Variants in SYT1 observed in about 807,000 individuals in gnomAD.
SYT1 encodes synaptotagmin-1.
A neutral mutation model predicts 44.8 loss-of-function variants in SYT1; 8 were observed. The observed-to-expected ratio is 0.18, with a 90% CI of 0.10 to 0.32. The LOEUF (loss-of-function observed/expected upper bound fraction) is 0.32. Among genes scored for constraint, SYT1 ranks in the 10% least tolerant of loss-of-function variants. The probability of loss-of-function intolerance (pLI) is 1.00; values close to 1 mark genes in which losing one functional copy is unlikely to be tolerated. For missense variants in SYT1, 286 were observed against 509.3 expected (o/e 0.56, Z 4.22); for synonymous variants, 154 against 188.8 (o/e 0.82, Z 1.51).
chr12:79,041,682 A>G (rs1228047829), intron 2 of SYT1, among the ~76,000 whole-genome samples: 2 of 152,032 alleles, frequency 1.3e-5, no homozygotes, highest in Non-Finnish European at 2.9e-5. Context: ...GTGGTGAGAC[A>G]GGGCATCCCT....
intron 9 of SYT1, among the ~76,000 whole-genome samples, chr12:79,390,208 C>A (rs998636612): frequency 6.6e-6 from 1 of 152,126 alleles, no homozygotes; most frequent in Non-Finnish European, 1.5e-5. Context: ...GCTGGGATTA[C>A]AGGCGTGAAC....
intron 1 of SYT1, among the ~76,000 whole-genome samples, chr12:78,921,625 G>A (rs539750162): frequency 1.3e-5 from 2 of 152,008 alleles, no homozygotes; most frequent in South Asian, 2.1e-4. Flanking sequence ...AAAGTGCTAG[G>A]TAATGAAGAC....
chr12:79,399,825 C>T lies in SYT1; in HGVS notation c.929-44248C>T, dbSNP rs76841306. ...AAGTCCCCAGCTGATGCTGACCTTGCTGGTATAGGGCCACACCCTGAGTAC... is the reference window on the plus strand; with the variant it reads ...AAGTCCCCAGCTGATGCTGACCTTGTTGGTATAGGGCCACACCCTGAGTAC... On this transcript the variant is annotated intron_variant, in intron 9 of 10. Transcript: ENST00000261205. 3.3e-4 allele frequency among the ~76,000 whole-genome samples: 51 copies of T among 152,258 alleles called. No individual in the cohort carries two copies. The East Asian group carries it at 7.5e-3, about 22-fold the overall frequency.
intron 1 of SYT1, among the ~76,000 whole-genome samples, chr12:78,970,313 AG>A (rs1448343058): frequency 6.6e-6 from 1 of 152,232 alleles, no homozygotes; most frequent in Non-Finnish European, 1.5e-5. Context: ...CACAGGACCA[AG>A]TGAGAAATAA....
rs1256288107 is a variant in SYT1, at chr12:79,114,747, G to T, written c.-18+67385G>T. On this transcript the variant is annotated intron_variant, in intron 3 of 10. Coordinates refer to ENST00000261205, the MANE Select transcript of SYT1 (RefSeq NM_005639.3). ...GCCTATATTGATGTGTTTACTTCTT[G>T]TCAAAATATTCATTTGTCTTTGAGG... 3.9e-5 allele frequency among the ~76,000 whole-genome samples: 6 copies of T among 152,080 alleles called. No individual in the cohort carries two copies. The East Asian group carries it at 1.2e-3, about 29-fold the overall frequency.
intron 4 of SYT1, among the ~76,000 whole-genome samples, chr12:79,251,501 A>C (rs1416473445): frequency 6.6e-6 from 1 of 152,198 alleles, no homozygotes; most frequent in Non-Finnish European, 1.5e-5. Flanking sequence ...CCCAGTCAAC[A>C]AGCGCAGGTA....
rs556324796 is a variant in SYT1 at position 79,067,150 on chromosome 12, CAA to C, written c.-18+19791_-18+19792del. 1.4e-4 allele frequency among the ~76,000 whole-genome samples: 21 copies of C among 152,218 alleles called. 1 individual carries two copies. The South Asian group carries it at 4.1e-3, about 30-fold the overall frequency. On this transcript the variant is annotated intron_variant, in intron 3 of 10. Transcript: ENST00000261205. ...AGCTTACAAAATAGACATGCTTTTT[CAA>C]AAGTGTTTCTTTTAATTTGTTGAAA...
At chr12:78,877,334 A>G (rs957753904) in intron 1 of SYT1, among the ~76,000 whole-genome samples, 9 of 151,592 alleles carry the variant, frequency 5.9e-5, no homozygotes, top group African/African-American at 2.2e-4. Flanking sequence ...TCATGAGAAC[A>G]GCATGGGAAA....
intron 3 of SYT1, among the ~76,000 whole-genome samples, chr12:79,121,900 A>C (rs1868267864): frequency 6.6e-6 from 1 of 152,244 alleles, no homozygotes; most frequent in Non-Finnish European, 1.5e-5. Flanking sequence ...GTGTTTATTA[A>C]GTTCCTAATA....
intron 1 of SYT1, among the ~76,000 whole-genome samples, chr12:78,947,470 A>T (rs1414097154): frequency 6.6e-6 from 1 of 151,768 alleles, no homozygotes; most frequent in Non-Finnish European, 1.5e-5. Flanking sequence ...CATACAGTTT[A>T]TCAAATTTAG....
chr12:79,227,114 G>T (rs1875568041), intron 4 of SYT1, among the ~76,000 whole-genome samples: 3 of 152,200 alleles, frequency 2.0e-5, no homozygotes, highest in East Asian at 3.9e-4. Flanking sequence ...TGTCACAATG[G>T]CAAGGAGTGT....
At chr12:79,294,489 C>T (rs1258993989) in intron 6 of SYT1, among the ~76,000 whole-genome samples, 8 of 152,042 alleles carry the variant, frequency 5.3e-5, no homozygotes, top group African/African-American at 1.9e-4. Flanking sequence ...CTAATTAAGA[C>T]GCTTTCATGG....
At chr12:79,244,577 G>A (rs931638661) in intron 4 of SYT1, among the ~76,000 whole-genome samples, 6 of 151,904 alleles carry the variant, frequency 3.9e-5, no homozygotes, top group Non-Finnish European at 8.8e-5. Flanking sequence ...TGGTGGTGGC[G>A]CCTGTAGTCC....
chr12:79,018,398 C>T (rs184719670), intron 2 of SYT1, among the ~76,000 whole-genome samples: 139 of 151,792 alleles, frequency 9.2e-4, no homozygotes, highest in African/African-American at 3.2e-3. Context: ...ATGCTAAACA[C>T]GAGTTAATGG....
rs554935110 is a variant in SYT1, at chr12:78,926,608, A to G, written c.-216-51191A>G. The G allele has an allele frequency of 1.1e-3, 160 of 150,080 alleles. 1 individual carries two copies. The highest frequency in any genetic ancestry group is 3.8e-3 in the African/African-American group (154 of 40,756). 9.3% of individuals were successfully genotyped at this position (150,080 alleles called of 1,614,324 possible). A position where few individuals can be genotyped will look rare whatever the true frequency, so the allele number is the denominator to read the frequency against. Reference sequence around the variant, plus strand: ...TTATCACATAACAGGAATGGAATAAACCAAAAAAAAAGTATACTTAGAAAA... The same window carrying G: ...TTATCACATAACAGGAATGGAATAAGCCAAAAAAAAAGTATACTTAGAAAA... On this transcript the variant is annotated intron_variant, in intron 1 of 10. Transcript: ENST00000261205.
intron 9 of SYT1, among the ~76,000 whole-genome samples, chr12:79,356,065 G>A (rs1384598682): frequency 6.6e-6 from 1 of 151,810 alleles, no homozygotes; most frequent in East Asian, 2.0e-4. Context: ...TGAGTAGGTG[G>A]CATTTCCGCA....
chr12:79,364,427 C>T (rs1393803075), intron 9 of SYT1, among the ~76,000 whole-genome samples: 1 of 152,118 alleles, frequency 6.6e-6, no homozygotes, highest in Non-Finnish European at 1.5e-5. Flanking sequence ...GGCAATGATT[C>T]AGCATCTTAC....
intron 8 of SYT1, among the ~76,000 whole-genome samples, chr12:79,319,070 G>A (rs1426228652): frequency 1.3e-5 from 2 of 152,152 alleles, no homozygotes; most frequent in African/African-American, 4.8e-5. Context: ...GTGTCACACT[G>A]ATGTTCTGTT....
intron 1 of SYT1, among the ~76,000 whole-genome samples, chr12:78,865,399 A>G (rs1365563137): frequency 6.6e-6 from 1 of 151,452 alleles, no homozygotes; most frequent in African/African-American, 2.4e-5. Flanking sequence ...CCCACCCCCA[A>G]TCTCAATCTT....
Sources: allele counts gnomAD v4.1 joint callset (sites outside exome capture counted in the v4.1 genomes callset), GRCh38; gene constraint gnomAD v4.1.1; transcripts MANE v1.5; gene names NCBI Gene and HGNC (gene_info 2026-07-23, HGNC 2026-07-21).